PRSS23: variants seen among roughly 807,000 people sequenced by gnomAD.
PRSS23 encodes the protein serine protease 23, also known as protease, serine 23.
Under a neutral mutation model 34.7 loss-of-function variants are expected in PRSS23, and 25 were observed. The ratio of observed to expected loss-of-function variants is 0.72; its 90% CI spans 0.53 to 1.01. PRSS23 has a LOEUF of 1.01. Among genes scored for constraint, PRSS23 ranks in the 50% least tolerant of loss-of-function variants. The pLI is 0.00. For synonymous variants in PRSS23, 176 were observed against 186.6 expected, an observed-to-expected ratio of 0.94 and a Z score of 0.46; for missense variants, 445 against 475.6, an observed-to-expected ratio of 0.94 and a Z score of 0.60.
chr11:86,910,588 AT>A (rs1219297049), intron 2 of PRSS23: 1 of 152,206 alleles, frequency 6.6e-6, no homozygotes, highest in East Asian at 1.9e-4. Context: ...CTCAAAGGTA[AT>A]TTCTAAAGTA....
chr11:86,855,911 G>C (rs1304119530), intron 2 of PRSS23, among the ~76,000 whole-genome samples: 1 of 152,150 alleles, frequency 6.6e-6, no homozygotes, highest in Non-Finnish European at 1.5e-5. Context: ...CATTTCTGCT[G>C]CAGTGGAGAG....
chr11:86,801,896 G>A (rs181782668), intron 1 of PRSS23, among the ~76,000 whole-genome samples: 3 of 152,342 alleles, frequency 2.0e-5, no homozygotes, highest in Non-Finnish European at 4.4e-5. Flanking sequence ...GTTAAATAAA[G>A]TCAAGCGGTA....
chr11:86,897,186 G>A (rs1412219241), intron 2 of PRSS23, among the ~76,000 whole-genome samples: 1 of 152,164 alleles, frequency 6.6e-6, no homozygotes, highest in South Asian at 2.1e-4. Flanking sequence ...ATGGCCCTGG[G>A]CCCTCATCTA....
intron 2 of PRSS23, among the ~76,000 whole-genome samples, chr11:86,864,854 C>T (rs541647233): frequency 6.6e-6 from 1 of 152,314 alleles, no homozygotes; most frequent in African/African-American, 2.4e-5. Context: ...CAACAGCTAG[C>T]ATCTTCCAGT....
chr11:86,826,661 C>T (rs1476087080), intron 2 of PRSS23, among the ~76,000 whole-genome samples: 10 of 152,240 alleles, frequency 6.6e-5, no homozygotes, highest in East Asian at 3.9e-4. Flanking sequence ...TTTTGAGATA[C>T]GTCCCATCAA....
intron 2 of PRSS23, chr11:86,832,873 G>A: frequency 6.2e-6 from 2 of 321,780 alleles, no homozygotes; most frequent in South Asian, 5.5e-5. Context: ...CTATGTTATT[G>A]GTGAAGGTGT....
chr11:86,841,554 G>C (rs1170659061), intron 2 of PRSS23, among the ~76,000 whole-genome samples: 1 of 151,940 alleles, frequency 6.6e-6, no homozygotes, highest in Non-Finnish European at 1.5e-5. Context: ...TAATAAAGAA[G>C]AAAAGAAGAA....
chr11:86,929,584 A>T (rs1052945705), intron 2 of PRSS23, among the ~76,000 whole-genome samples: 3 of 152,004 alleles, frequency 2.0e-5, no homozygotes, highest in African/African-American at 4.8e-5. Context: ...CGGAGGTTGC[A>T]GTGAGCCAAG....
At chr11:86,835,382 G>A (rs1183151077) in intron 2 of PRSS23, among the ~76,000 whole-genome samples, 1 of 152,214 alleles carries the variant, frequency 6.6e-6, no homozygotes, top group Non-Finnish European at 1.5e-5. Flanking sequence ...CCTTGGACCT[G>A]TGTAAGGACT....
chr11:86,861,263 C>T (rs545539739), intron 2 of PRSS23, among the ~76,000 whole-genome samples: 9 of 149,340 alleles, frequency 6.0e-5, no homozygotes, highest in South Asian at 2.1e-4. Flanking sequence ...CTCAATGTCG[C>T]GGGGGGTGTC....
At chr11:86,855,960 G>T (rs568006094) in intron 2 of PRSS23, among the ~76,000 whole-genome samples, 1 of 152,164 alleles carries the variant, frequency 6.6e-6, no homozygotes, top group South Asian at 2.1e-4. Flanking sequence ...ACATCATTGT[G>T]TGTGTATACC....
intron 2 of PRSS23, among the ~76,000 whole-genome samples, chr11:86,872,581 G>T (rs150593263): frequency 3.9e-5 from 6 of 152,274 alleles, no homozygotes; most frequent in African/African-American, 1.4e-4. Flanking sequence ...CTAGCACATA[G>T]TATGTTTTTT....
chr11:86,887,494 A>C (rs1948810787), intron 2 of PRSS23, among the ~76,000 whole-genome samples: 1 of 152,124 alleles, frequency 6.6e-6, no homozygotes, highest in African/African-American at 2.4e-5. Flanking sequence ...AGTGAATGTG[A>C]GGGAATAGAT....
chr11:86,879,935 CT>C (rs1948761425), intron 2 of PRSS23, among the ~76,000 whole-genome samples: 1 of 151,642 alleles, frequency 6.6e-6, no homozygotes, highest in South Asian at 2.1e-4. Flanking sequence ...ACCACCCCGT[CT>C]GGGAGGTGTA....
chr11:86,860,732 G>T (rs985064215), intron 2 of PRSS23, among the ~76,000 whole-genome samples: 1 of 151,844 alleles, frequency 6.6e-6, no homozygotes, highest in African/African-American at 2.4e-5. Context: ...AATTTGGCCG[G>T]TGGTTTGACC....
chr11:86,872,045 C>T (rs73512461), intron 2 of PRSS23, among the ~76,000 whole-genome samples: 1 of 152,272 alleles, frequency 6.6e-6, no homozygotes, highest in African/African-American at 2.4e-5. Flanking sequence ...CAAATCCTGC[C>T]ACTTACAATT....
At chr11:86,823,937 T>C (rs3016250) in intron 2 of PRSS23, among the ~76,000 whole-genome samples, 11,056 of 106,376 alleles carry the variant, frequency 0.1, 562 homozygotes, top group East Asian at 0.28. Flanking sequence ...ACCCGGGAGG[T>C]GGAGCTTGCA....
intron 1 of PRSS23, among the ~76,000 whole-genome samples, 171 bp downstream of exon 1, chr11:86,800,822 C>G (rs1325331331): frequency 6.6e-6 from 1 of 152,130 alleles, no homozygotes; most frequent in Non-Finnish European, 1.5e-5. Flanking sequence ...GGGCTGGGGG[C>G]CTGAAGGAGC....
intron 2 of PRSS23, chr11:86,937,102 T>G (rs1949169416): frequency 6.6e-6 from 1 of 152,198 alleles, no homozygotes; most frequent in Non-Finnish European, 1.5e-5. Context: ...ACCTCTCTAC[T>G]GAGGCACTAA....
Sources: allele counts gnomAD v4.1 joint callset (sites outside exome capture counted in the v4.1 genomes callset), GRCh38; gene constraint gnomAD v4.1.1; transcripts MANE v1.5; gene names NCBI Gene and HGNC (gene_info 2026-07-23, HGNC 2026-07-21).